ARAP2: variants seen among roughly 807,000 people sequenced by gnomAD.
ARAP2 encodes ArfGAP with RhoGAP domain, ankyrin repeat and PH domain 2, also known as arf-GAP with Rho-GAP domain, ANK repeat and PH domain-containing protein 2.
A neutral mutation model predicts 194.5 loss-of-function variants in ARAP2; 148 were observed. The observed-to-expected ratio is 0.76, with a 90% confidence interval of 0.67 to 0.87. The LOEUF (loss-of-function observed/expected upper bound fraction) is 0.87, where lower values mean the gene tolerates loss of function less well. Among genes scored for constraint, ARAP2 ranks in the 40% least tolerant of loss-of-function variants. The pLI is 0.00. For synonymous variants in ARAP2, 695 were observed against 683.5 expected (o/e 1.02, Z -0.26); for missense variants, 2,128 against 1,989.7 (o/e 1.07, Z -1.32).
intron 9 of ARAP2, chr4:36,012,525 T>G (rs1390173246): frequency 6.6e-6 from 1 of 152,222 alleles, no homozygotes; most frequent in Non-Finnish European, 1.5e-5. Context: ...TCCTGCACAT[T>G]TGTATAACTT....
At chr4:36,031,002 C>T (rs532150278) in intron 5 of ARAP2, among the ~76,000 whole-genome samples, 60 of 152,090 alleles carry the variant, frequency 3.9e-4, no homozygotes, top group African/African-American at 1.4e-3. Context: ...TGGTGGCACA[C>T]GCCTGTAGTC....
downstream of ARAP2, among the ~76,000 whole-genome samples, chr4:36,061,666 T>TG (rs1310490644): frequency 2.0e-5 from 3 of 152,202 alleles, no homozygotes; most frequent in East Asian, 5.8e-4. Flanking sequence ...TTCCTTTCTT[T>TG]GGGGTATATA....
chr4:36,146,627 CTCTT>C (rs775528409), intron 19 of ARAP2, among the ~76,000 whole-genome samples: 2 of 152,068 alleles, frequency 1.3e-5, no homozygotes, highest in Non-Finnish European at 2.9e-5. Flanking sequence ...TTTTATGAAG[CTCTT>C]TCATTCAAGA....
intron 7 of ARAP2, among the ~76,000 whole-genome samples, chr4:36,192,683 A>G (rs772212287): frequency 6.6e-6 from 1 of 152,232 alleles, no homozygotes; most frequent in Non-Finnish European, 1.5e-5. Context: ...AAACTAGAAA[A>G]AAATAGTAGC....
rs967499538 is a variant in ARAP2 at position 36,114,131 on chromosome 4, A to G, written c.4156+39T>C. On this transcript the variant is annotated intron_variant, in intron 26 of 32. Transcript: ENST00000303965. The stretch of plus-strand genomic sequence containing the variant: ...TGTCTTAAAGAGTACTTTTTACAGT[A>G]TAAGTAATTTAAGAATCCCTAGCAT... The G allele has an allele frequency of 5.3e-6, 7 of 1,324,380 alleles. No homozygotes were observed. In the Admixed American group the frequency reaches 1.1e-4, roughly 20 times the overall value. 82.0% of individuals were successfully genotyped at this position (1,324,380 alleles called of 1,614,324 possible).
At chr4:36,244,636 C>A (rs1754326455), upstream of ARAP2, 1 of 152,032 alleles carries the variant, frequency 6.6e-6, no homozygotes, top group Non-Finnish European at 1.5e-5. Context: ...CAGACCGCCG[C>A]GACTTGGCCG....
intron 5 of ARAP2, among the ~76,000 whole-genome samples, chr4:36,020,946 T>C (rs1298742783): frequency 6.6e-6 from 1 of 152,110 alleles, no homozygotes; most frequent in Non-Finnish European, 1.5e-5. Context: ...TAATTACTAA[T>C]TAGATGGATT....
At chr4:36,090,391 C>T (rs1560407600) in intron 28 of ARAP2, among the ~76,000 whole-genome samples, 1 of 152,052 alleles carries the variant, frequency 6.6e-6, no homozygotes, top group Non-Finnish European at 1.5e-5. Context: ...GGACTCCTTC[C>T]TAACTCATTC....
intron 5 of ARAP2, among the ~76,000 whole-genome samples, chr4:36,024,243 C>T (rs754393871): frequency 3.3e-5 from 5 of 152,072 alleles, no homozygotes; most frequent in Non-Finnish European, 7.4e-5. Context: ...CAAGTCACAA[C>T]GATTTATGAA....
At chr4:36,175,480 GGGCCTGAACGTGGAC>G (rs1275218103) in intron 9 of ARAP2, among the ~76,000 whole-genome samples, 4 of 152,308 alleles carry the variant, frequency 2.6e-5, no homozygotes, top group African/African-American at 9.6e-5. Flanking sequence ...TGGTATGCCA[GGGCCTGAACGTGGAC>G]GGCCTTCCTT....
intron 22 of ARAP2, among the ~76,000 whole-genome samples, chr4:36,121,795 A>G (rs1224688304): frequency 1.3e-5 from 2 of 151,762 alleles, no homozygotes; most frequent in Non-Finnish European, 2.9e-5. Flanking sequence ...AATTTTCCAG[A>G]AAGTGCAAAT....
chr4:36,107,981 TCAG>T (rs138535785), intron 26 of ARAP2, among the ~76,000 whole-genome samples: 2,222 of 152,048 alleles, frequency 0.015, 46 homozygotes, highest in African/African-American at 0.051. Context: ...GATAAAAATC[TCAG>T]AATTCTACCT....
chr4:36,126,139 C>T (rs1024943429), intron 21 of ARAP2, among the ~76,000 whole-genome samples: 2 of 151,928 alleles, frequency 1.3e-5, no homozygotes, highest in African/African-American at 4.8e-5. Flanking sequence ...AGATGACTCT[C>T]TATAAGAAAG....
chr4:36,139,940 G>A (rs1578038849), intron 19 of ARAP2, among the ~76,000 whole-genome samples: 1 of 151,354 alleles, frequency 6.6e-6, no homozygotes, highest in Admixed American at 6.6e-5. Flanking sequence ...TGTCACATGT[G>A]TCCTCCTCAA....
At chr4:36,063,285 A>C (rs1724758951), downstream of ARAP2, among the ~76,000 whole-genome samples, 1 of 152,068 alleles carries the variant, frequency 6.6e-6, no homozygotes, top group Non-Finnish European at 1.5e-5. Flanking sequence ...AGGGCTGGGA[A>C]CATCACACAC....
rs182756317 is a variant in ARAP2, at chr4:36,139,321, G to A, written c.3264-5932C>T. Among the ~76,000 whole-genome samples, 44 of 151,462 alleles carry A rather than the reference G, an allele frequency of 2.9e-4. 1 individual carries two copies. In the East Asian group the frequency reaches 4.5e-3, roughly 15 times the overall value. The stretch of plus-strand genomic sequence containing the variant: ...TAAATTCATTGGTATGAAGTTGGTC[G>A]TAATATTTTCTTATATTTTAAATAT... On this transcript the variant is annotated intron_variant, in intron 19 of 32. Coordinates refer to ENST00000303965, the MANE Select transcript of ARAP2 (RefSeq NM_015230.4).
intron 19 of ARAP2, among the ~76,000 whole-genome samples, chr4:36,135,336 CT>C (rs1438391533): frequency 5.3e-5 from 8 of 151,822 alleles, no homozygotes; most frequent in Admixed American, 2.0e-4. Context: ...CCTTTCTTTC[CT>C]TTGTTTTCTT....
Position 36,014,430 on chromosome 4 carries a change from T to A in ARAP2, n.1056+956A>T, listed in dbSNP as rs75170308. 2.2e-3 allele frequency among the ~76,000 whole-genome samples: 333 copies of A among 152,174 alleles called. 5 individuals carry two copies. The highest frequency in any genetic ancestry group is 3.2e-3 in the Non-Finnish European group (216 of 67,998). On this transcript the variant is annotated intron_variant and non_coding_transcript_variant, in intron 8 of 12. Coordinates refer to the ARAP2 transcript ENST00000503225. ...CCACCACTTCTTCTAGTCAATATTT[T>A]ATTCATAGTGCCACAAAACAAGGAA... is the stretch of plus-strand genomic sequence containing the variant.
chr4:36,138,189 T>C (rs933061618), intron 19 of ARAP2, among the ~76,000 whole-genome samples: 2 of 151,742 alleles, frequency 1.3e-5, no homozygotes, highest in Admixed American at 6.6e-5. Flanking sequence ...TCTGGAAAAG[T>C]ATGAATTGTG....
Sources: allele counts gnomAD v4.1 joint callset (sites outside exome capture counted in the v4.1 genomes callset), GRCh38; gene constraint gnomAD v4.1.1; transcripts MANE v1.5; gene names NCBI Gene and HGNC (gene_info 2026-07-23, HGNC 2026-07-21).